The following UGT2B15 variants were observed in gnomAD, a reference collection of about 807,000 sequenced individuals.
UGT2B15 encodes the protein UDP-glucuronosyltransferase 2B15.
Under a neutral mutation model 45.9 loss-of-function variants are expected in UGT2B15, and 36 were observed. That is an observed-to-expected ratio of 0.78 (90% confidence interval 0.60 to 1.04). The LOEUF is 1.04. UGT2B15 is among the 50% of genes least tolerant of loss of function. The pLI, the probability that UGT2B15 is intolerant of heterozygous loss-of-function variation, is 0.00. For synonymous variants in UGT2B15, 219 were observed against 216.4 expected, an observed-to-expected ratio of 1.01 and a Z score of -0.11; for missense variants, 617 against 622.4, an observed-to-expected ratio of 0.99 and a Z score of 0.09.
At position 68,647,741 on chromosome 4, in the gene UGT2B15, G is replaced by C. The variant is rs1423719852; in HGVS notation, c.1314-358C>G. ...TAATTTTTTTTTATTTTTTGAGACA[G>C]GCTTTTGCTCCATTACACAGGCTGA... On this transcript the variant is annotated intron_variant, in intron 5 of 5. Coordinates refer to ENST00000338206, the MANE Select transcript of UGT2B15 (RefSeq NM_001076.4). 2.0e-5 allele frequency among the ~76,000 whole-genome samples: 3 copies of C among 151,948 alleles called. No individual in the cohort carries two copies. The East Asian group carries it at 5.8e-4, about 29-fold the overall frequency.
At chr4:68,660,663 G>T (rs530527741) in intron 3 of UGT2B15, among the ~76,000 whole-genome samples, 1 of 151,998 alleles carries the variant, frequency 6.6e-6, no homozygotes, top group Admixed American at 6.6e-5. Context: ...CTTGCCTAAT[G>T]TTTTTCAACT....
intron 3 of UGT2B15, among the ~76,000 whole-genome samples, chr4:68,659,349 G>C (rs993725351): frequency 3.2e-4 from 48 of 151,864 alleles, no homozygotes; most frequent in South Asian, 1.2e-3. Context: ...GATTTTTTCT[G>C]ACCTAAGTAA....
intron 5 of UGT2B15, among the ~76,000 whole-genome samples, chr4:68,650,460 C>T (rs1466239554): frequency 3.3e-5 from 5 of 151,980 alleles, no homozygotes; most frequent in African/African-American, 1.2e-4. Flanking sequence ...CATCCGTGTC[C>T]CTGCAACAGA....
chr4:68,670,441 C>G lies in UGT2B15; in HGVS notation c.178G>C (p.Ala60Pro), dbSNP rs541539149. 4.3e-6 allele frequency: 7 copies of G among 1,613,882 alleles called. No homozygotes were observed. The South Asian group carries it at 7.7e-5, about 18-fold the overall frequency. ...GHEVTVLTSS[A>P]STLVNASKSS... ...TTACTGGCATTGACAAGAGTAGAAGCCGAAGATGTCAACACAGTCACCTCA... is the reference window on the plus strand; with the variant it reads ...TTACTGGCATTGACAAGAGTAGAAGGCGAAGATGTCAACACAGTCACCTCA... The change falls in exon 1 of 6, where the codon GCT becomes CCT. Residue 60 changes from alanine to proline, a missense_variant. Coordinates refer to ENST00000338206, the MANE Select transcript of UGT2B15 (RefSeq NM_001076.4).
intron 5 of UGT2B15, among the ~76,000 whole-genome samples, chr4:68,651,391 C>A (rs1389665729): frequency 6.6e-6 from 1 of 152,046 alleles, no homozygotes; most frequent in African/African-American, 2.4e-5. Flanking sequence ...TTCTCCAGCA[C>A]CATTTATTTA....
chr4:68,667,138 G>A (rs1733155786), intron 2 of UGT2B15, among the ~76,000 whole-genome samples: 3 of 151,202 alleles, frequency 2.0e-5, no homozygotes, highest in African/African-American at 7.3e-5. Context: ...CTGCCTTAAT[G>A]CAAGCCTTTA....
Position 68,647,202 on chromosome 4 carries a change from G to T in UGT2B15, c.1495C>A (p.Leu499Met). ...AATATCACAGTTGCCACGCAGGCCAGCAGGAATGCTATCACATCCAAAGAG... is the reference window on the plus strand; with the variant it reads ...AATATCACAGTTGCCACGCAGGCCATCAGGAATGCTATCACATCCAAAGAG... The part of the protein sequence containing the change: ...YHSLDVIAFL[L>M]ACVATVIFII... The change falls in exon 6 of 6, where the codon CTG (leucine) becomes ATG (methionine). Residue 499 changes from leucine to methionine, a missense_variant. Physicochemically the swap from Leu to Met is conservative, Grantham distance 15. Transcript: ENST00000338206. 1.2e-6 allele frequency: 2 copies of T among 1,613,934 alleles called. No homozygotes were observed. The highest frequency in any genetic ancestry group is 1.7e-6 in the Non-Finnish European group (2 of 1,179,916).
At chr4:68,649,422 G>T (rs1360513862) in intron 5 of UGT2B15, among the ~76,000 whole-genome samples, 2 of 151,362 alleles carry the variant, frequency 1.3e-5, no homozygotes, top group Non-Finnish European at 2.9e-5. Flanking sequence ...GGGACTACAG[G>T]TGCTCATCCC....
chr4:68,669,287 T>C (rs1370628495), intron 1 of UGT2B15, among the ~76,000 whole-genome samples: 2 of 152,140 alleles, frequency 1.3e-5, no homozygotes, highest in East Asian at 3.8e-4. Context: ...AACTTAGATG[T>C]TCACTTTCAA....
rs1732508150 is a variant in UGT2B15 at position 68,647,269 on chromosome 4, G to T, written c.1428C>A (p.His476Gln). 7 of 1,614,006 alleles carry T rather than the reference G, an allele frequency of 4.3e-6. No homozygotes were observed. Among genetic ancestry groups the T allele is most frequent in the East Asian group, 2.2e-5 (1 of 44,886 alleles). Residue 476 changes from histidine to glutamine, a missense_variant, in exon 6 of 6, where the codon CAC becomes CAA. His to Gln is a conservative substitution (Grantham distance 24, BLOSUM62 0). This residue lies in a region of UGT2B15 where 265 missense variants were observed against 245.1 expected (regional missense o/e 1.08). Transcript: ENST00000338206. ...TGAGGTTGTGAGCTGCGACTCGAAGGTGCTTGGCTCCTTTGTGGCGCATGA... is the reference window on the plus strand; with the variant it reads ...TGAGGTTGTGAGCTGCGACTCGAAGTTGCTTGGCTCCTTTGTGGCGCATGA... ...EFVMRHKGAK[H>Q]LRVAAHNLTW...
Position 68,670,072 on chromosome 4 carries a change from T to A in UGT2B15, c.547A>T (p.Lys183Ter). 6.2e-7 allele frequency: 1 copy of A among 1,614,070 alleles called. No homozygotes were observed. Among genetic ancestry groups the A allele is most frequent in the Non-Finnish European group, 8.5e-7 (1 of 1,179,966 alleles). Reference protein sequence around the residue: ...LRFSVGYTFEKNGGGFLFPPS... With the variant: ...LRFSVGYTFE ...GGGAACAGAAATCCTCCACCATTCT[T>A]CTCAAATGTGTAGCCAACAGAGAAT... The change falls in exon 1 of 6, where the codon AAG becomes TAG. Residue 183 changes from lysine to a stop codon, truncating the protein, a stop_gained. Coordinates refer to ENST00000338206, the MANE Select transcript of UGT2B15 (RefSeq NM_001076.4). LOFTEE classifies it high-confidence loss of function.
chr4:68,647,624 T>A (rs1487643626), intron 5 of UGT2B15, among the ~76,000 whole-genome samples: 3 of 152,152 alleles, frequency 2.0e-5, no homozygotes, highest in African/African-American at 7.2e-5. Flanking sequence ...GGAAAGTTAA[T>A]GTTTTCTGGA....
At position 68,647,181 on chromosome 4, in the gene UGT2B15, T is replaced by A; in HGVS notation, c.1516A>T (p.Ile506Leu). The change falls in exon 6 of 6, where the codon ATA (isoleucine) becomes TTA (leucine). Residue 506 changes from isoleucine (I) to leucine (L), a missense_variant. Coordinates refer to ENST00000338206, the MANE Select transcript of UGT2B15 (RefSeq NM_001076.4). ...AGGCAAAATTTTGTGATGATAAATA[T>A]CACAGTTGCCACGCAGGCCAGCAGG... ...AFLLACVATV[I>L]FIITKFCLFC... 1 of 1,613,946 alleles carries A rather than the reference T, an allele frequency of 6.2e-7. No individual in the cohort carries two copies. The highest frequency in any genetic ancestry group is 1.3e-5 in the African/African-American group (1 of 74,968).
At chr4:68,666,815 C>T (rs1733139154) in intron 2 of UGT2B15, among the ~76,000 whole-genome samples, 2 of 147,506 alleles carry the variant, frequency 1.4e-5, no homozygotes, top group East Asian at 2.0e-4. Flanking sequence ...AGCGTGATCT[C>T]GGCTCTCTGC....
chr4:68,664,666 AAG>A (rs1560610238), intron 2 of UGT2B15, among the ~76,000 whole-genome samples: 1 of 151,700 alleles, frequency 6.6e-6, no homozygotes, highest in Non-Finnish European at 1.5e-5. Context: ...TCCCAGGTTA[AAG>A]CAATTCTCCT....
chr4:68,661,575 TGTC>T (rs1404082024), intron 3 of UGT2B15, among the ~76,000 whole-genome samples: 1 of 152,118 alleles, frequency 6.6e-6, no homozygotes, highest in Non-Finnish European at 1.5e-5. Context: ...TATATCCACT[TGTC>T]TACTAGTCAT....
chr4:68,669,440 A>G (rs1733235688), intron 1 of UGT2B15, among the ~76,000 whole-genome samples: 1 of 152,198 alleles, frequency 6.6e-6, no homozygotes, highest in African/African-American at 2.4e-5. Flanking sequence ...TCTTACATGA[A>G]AAACAAAATT....
At chr4:68,652,482 A>C (rs1732685626) in intron 5 of UGT2B15, among the ~76,000 whole-genome samples, 2 of 151,394 alleles carry the variant, frequency 1.3e-5, no homozygotes, top group African/African-American at 2.4e-5. Flanking sequence ...GAAGTATCTT[A>C]AATCATTTCT....
At chr4:68,663,695 C>T (rs941300777) in intron 2 of UGT2B15, among the ~76,000 whole-genome samples, 2 of 152,012 alleles carry the variant, frequency 1.3e-5, no homozygotes, top group Non-Finnish European at 2.9e-5. Context: ...TTCTAGCTCT[C>T]TAACCCTTTA....
Sources: gnomAD v4.1 joint callset for allele counts (sites outside exome capture counted in the v4.1 genomes callset) on GRCh38, gnomAD v4.1.1 for gene constraint, gnomAD v4.1.1 regional missense constraint, MANE v1.5 for transcripts, NCBI Gene and HGNC (gene_info 2026-07-23, HGNC 2026-07-21) for gene names.